RGS22: variants seen among roughly 807,000 people sequenced by gnomAD.
RGS22 encodes regulator of G-protein signaling 22.
Under a neutral mutation model 172.9 loss-of-function variants are expected in RGS22, and 148 were observed. The observed-to-expected ratio is 0.86, with a 90% CI of 0.75 to 0.98. The LOEUF (loss-of-function observed/expected upper bound fraction) is 0.98, where lower values mean the gene tolerates loss of function less well. Among genes scored for constraint, RGS22 ranks in the 50% least tolerant of loss-of-function variants. The pLI is 0.00. For synonymous variants in RGS22, 458 were observed against 480.2 expected (o/e 0.95, Z 0.60); for missense variants, 1,347 against 1,440.8 (o/e 0.93, Z 1.05).
chr8:100,084,939 C>T (rs772057468), intron 3 of RGS22, among the ~76,000 whole-genome samples: 1 of 152,220 alleles, frequency 6.6e-6, no homozygotes, highest in Non-Finnish European at 1.5e-5. Flanking sequence ...AATATGTCCC[C>T]AGTGACAAGG....
At chr8:99,965,811 G>C (rs1051036001) in intron 23 of RGS22, among the ~76,000 whole-genome samples, 2 of 151,992 alleles carry the variant, frequency 1.3e-5, no homozygotes, top group African/African-American at 4.8e-5. Context: ...TATACAAATA[G>C]AATCTAACTA....
intron 14 of RGS22, among the ~76,000 whole-genome samples, chr8:100,035,969 G>C (rs1016455858): frequency 6.6e-6 from 1 of 152,082 alleles, no homozygotes; most frequent in Non-Finnish European, 1.5e-5. Context: ...GGAGTGGGGG[G>C]CTGGGGGTGG....
rs560351082 is a variant in RGS22 at position 100,099,209 on chromosome 8, T to C, written c.55-5700A>G. 8.5e-5 allele frequency among the ~76,000 whole-genome samples: 13 copies of C among 152,244 alleles called. No homozygotes were observed. In the South Asian group the frequency reaches 1.0e-3, roughly 12 times the overall value. ...GATTACAGGTGTGAGCCATTGCGCC[T>C]GGCCCAGACTCCCTTTTATCCAATC... On this transcript the variant is annotated intron_variant, in intron 2 of 27. Coordinates refer to ENST00000360863, the MANE Select transcript of RGS22 (RefSeq NM_015668.5).
chr8:100,103,202 T>C (rs1366544049), intron 2 of RGS22, among the ~76,000 whole-genome samples: 5 of 152,200 alleles, frequency 3.3e-5, no homozygotes, highest in Non-Finnish European at 7.3e-5. Flanking sequence ...CTAATACAAC[T>C]GATGCTCAGG....
chr8:100,010,110 C>A (rs970750689), intron 14 of RGS22, among the ~76,000 whole-genome samples: 11 of 152,126 alleles, frequency 7.2e-5, no homozygotes, highest in Non-Finnish European at 1.0e-4. Context: ...CCATTTCATA[C>A]CATTGCACAT....
rs375582158 is a variant in RGS22 at position 100,053,836 on chromosome 8, A to G, written c.1515-860T>C. On this transcript the variant is annotated intron_variant, in intron 9 of 27. Transcript: ENST00000360863. ...ATTTTTAGTAGAGACAGGTTTCACC[A>G]TGTTAGCCAGGATGGTCTTGATCTC... 8.7e-4 allele frequency among the ~76,000 whole-genome samples: 133 copies of G among 152,152 alleles called. 1 individual carries two copies. The South Asian group carries it at 0.015, about 17-fold the overall frequency.
At chr8:99,979,393 T>C (rs1391335019) in intron 22 of RGS22, among the ~76,000 whole-genome samples, 1 of 152,216 alleles carries the variant, frequency 6.6e-6, no homozygotes, top group African/African-American at 2.4e-5. Flanking sequence ...GCAATTGAGA[T>C]TGTAGGTTAA....
At chr8:100,050,805 A>T (rs1821196086) in intron 10 of RGS22, 1 of 152,144 alleles carries the variant, frequency 6.6e-6, no homozygotes, top group African/African-American at 2.4e-5. Flanking sequence ...ATGACTTATA[A>T]TTCAGCTATT....
chr8:99,999,808 T>C (rs1001493453), intron 18 of RGS22, among the ~76,000 whole-genome samples: 3 of 152,232 alleles, frequency 2.0e-5, no homozygotes, highest in Admixed American at 6.5e-5. Flanking sequence ...CTAGTCATAT[T>C]GATCCACTTA....
chr8:100,051,929 ATATATATT>A (rs1554626461), intron 10 of RGS22, among the ~76,000 whole-genome samples: 2 of 38,776 alleles, frequency 5.2e-5, no homozygotes, highest in African/African-American at 1.4e-4. Flanking sequence ...ATAAATGTTT[ATATATATT>A]TATATATTTA....
chr8:100,086,380 G>T (rs1048700826), intron 3 of RGS22, among the ~76,000 whole-genome samples: 38 of 152,056 alleles, frequency 2.5e-4, no homozygotes, highest in African/African-American at 3.6e-4. Flanking sequence ...TCATAGGGTG[G>T]TTCCTAGATC....
chr8:100,044,517 A>C (rs1382307670), intron 11 of RGS22, among the ~76,000 whole-genome samples: 9 of 151,946 alleles, frequency 5.9e-5, no homozygotes, highest in African/African-American at 2.2e-4. Context: ...AAAGTGCTGG[A>C]ATTACAGGCA....
Position 99,987,453 on chromosome 8 carries a change from A to C in RGS22, c.3180+5T>G, listed in dbSNP as rs1813220289. 6.3e-7 allele frequency: 1 copy of C among 1,596,548 alleles called. No homozygotes were observed. The highest frequency in any genetic ancestry group is 1.3e-5 in the African/African-American group (1 of 74,442). On this transcript the variant is annotated splice_donor_5th_base_variant and intron_variant, in intron 21 of 27. Transcript: ENST00000360863. Reference sequence around the variant, plus strand: ...GGTGGTTTTCTCTAGCTCCCAATACAATACCTTATATTTTTGTACTTCTTG... The same window carrying C: ...GGTGGTTTTCTCTAGCTCCCAATACCATACCTTATATTTTTGTACTTCTTG...
chr8:100,070,161 T>C (rs1810861687), intron 6 of RGS22, among the ~76,000 whole-genome samples: 1 of 152,116 alleles, frequency 6.6e-6, no homozygotes, highest in African/African-American at 2.4e-5. Context: ...CAGAGTTCTT[T>C]TTAGGTTTCC....
intron 11 of RGS22, among the ~76,000 whole-genome samples, chr8:100,044,075 C>A (rs1820449317): frequency 6.6e-6 from 1 of 152,108 alleles, no homozygotes; most frequent in African/African-American, 2.4e-5. Context: ...GAGATTAAAT[C>A]AATAATTTGA....
At chr8:100,081,025 T>A (rs533304794) in intron 3 of RGS22, among the ~76,000 whole-genome samples, 1 of 152,134 alleles carries the variant, frequency 6.6e-6, no homozygotes, top group Non-Finnish European at 1.5e-5. Flanking sequence ...ACTGAACATT[T>A]TTGGGGCCTC....
rs377325799 is a variant in RGS22 at position 99,962,897 on chromosome 8, T to G, written c.3697A>C (p.Lys1233Gln). The change falls in exon 25 of 28, where the codon AAG becomes CAG. Residue 1233 changes from lysine to glutamine, a missense_variant. Lys to Gln is a moderately conservative substitution (Grantham distance 53). Coordinates refer to ENST00000360863, the MANE Select transcript of RGS22 (RefSeq NM_015668.5). Reference sequence around the variant, plus strand: ...AGGCAAAAATTACCTGCAAACAACTTTTTTTCTAGTTCTTCTTGGATCTTA... The same window carrying G: ...AGGCAAAAATTACCTGCAAACAACTGTTTTTCTAGTTCTTCTTGGATCTTA... ...LLKIQEELEK[K>Q]LFAGLQPLTN... The G allele has an allele frequency of 1.1e-5, 17 of 1,597,904 alleles. No homozygotes were observed. The highest frequency in any genetic ancestry group is 2.2e-5 in the East Asian group (1 of 44,764).
intron 4 of RGS22, among the ~76,000 whole-genome samples, chr8:100,076,363 A>AT (rs1239002094): frequency 2.0e-5 from 3 of 152,008 alleles, no homozygotes; most frequent in Non-Finnish European, 4.4e-5. Flanking sequence ...TAATTTGCTG[A>AT]TTTTTTGAGG....
chr8:99,969,527 G>A (rs1469999108), intron 23 of RGS22, among the ~76,000 whole-genome samples: 3 of 151,978 alleles, frequency 2.0e-5, no homozygotes, highest in Non-Finnish European at 4.4e-5. Flanking sequence ...ATAAACAAAT[G>A]GAGGAATATT....
Sources: allele counts gnomAD v4.1 joint callset (sites outside exome capture counted in the v4.1 genomes callset), GRCh38; gene constraint gnomAD v4.1.1; transcripts MANE v1.5; gene names NCBI Gene and HGNC (gene_info 2026-07-23, HGNC 2026-07-21).